The following CCDC170 variants were observed in gnomAD, a reference collection of about 807,000 sequenced individuals.
CCDC170 encodes the protein coiled-coil domain containing 170.
A neutral mutation model predicts 72.6 loss-of-function variants in CCDC170; 69 were observed. The observed-to-expected ratio is 0.95, with a 90% CI of 0.78 to 1.16. CCDC170 has a LOEUF of 1.16. Ranked by LOEUF, CCDC170 falls within the 50% of genes most tolerant of loss-of-function variation. The pLI, the probability that CCDC170 is intolerant of heterozygous loss-of-function variation, is 0.00. For synonymous variants in CCDC170, 300 were observed against 303.9 expected (o/e 0.99, Z 0.13); for missense variants, 852 against 832.5 (o/e 1.02, Z -0.29).
intron 9 of CCDC170, among the ~76,000 whole-genome samples, chr6:151,608,534 G>A (rs77334499): frequency 0.073 from 11,038 of 152,202 alleles, 554 homozygotes; most frequent in East Asian, 0.29. Flanking sequence ...GTTCTGGGAG[G>A]GTACCGTTGT....
At chr6:151,596,773 A>G (rs1176796265) in intron 9 of CCDC170, among the ~76,000 whole-genome samples, 196 bp downstream of exon 9, 1 of 152,170 alleles carries the variant, frequency 6.6e-6, no homozygotes, top group Admixed American at 6.5e-5. Context: ...TCAATATCTG[A>G]AGTGAAGCCA....
Position 151,504,089 on chromosome 6 carries a change from T to C in CCDC170, c.57+9904T>C, listed in dbSNP as rs1782032889. 2.6e-5 allele frequency among the ~76,000 whole-genome samples: 4 copies of C among 152,232 alleles called. No individual in the cohort carries two copies. The South Asian group carries it at 8.3e-4, about 32-fold the overall frequency. On this transcript the variant is annotated intron_variant, in intron 1 of 10. Coordinates refer to ENST00000239374, the MANE Select transcript of CCDC170 (RefSeq NM_025059.4). Reference sequence around the variant, plus strand: ...TGTATGAAGAGGAATGTCCTTGTTCTTAGAAAATACAAGCTGAAGTGTTTA... The same window carrying C: ...TGTATGAAGAGGAATGTCCTTGTTCCTAGAAAATACAAGCTGAAGTGTTTA...
chr6:151,514,353 G>GAGGGAGGGAAGGGACGA, intron 1 of CCDC170, among the ~76,000 whole-genome samples: 1 of 101,536 alleles, frequency 9.8e-6, no homozygotes, highest in Non-Finnish European at 1.8e-5. Flanking sequence ...GGGAGGGAGG[G>GAGGGAGGGAAGGGACGA]AGGGAGGGAG....
chr6:151,584,142 T>G (rs1245722539), intron 6 of CCDC170, among the ~76,000 whole-genome samples: 1 of 152,212 alleles, frequency 6.6e-6, no homozygotes, highest in African/African-American at 2.4e-5. Flanking sequence ...AACCTTCAAT[T>G]TGTAAAAAAC....
chr6:151,591,572 A>G (rs145581928), intron 7 of CCDC170, among the ~76,000 whole-genome samples: 2,608 of 151,676 alleles, frequency 0.017, 85 homozygotes, highest in African/African-American at 0.06. Flanking sequence ...TCGGCTTACT[A>G]TAAGCTCCGC....
At chr6:151,579,667 G>T (rs1353133799) in intron 6 of CCDC170, among the ~76,000 whole-genome samples, 1 of 152,132 alleles carries the variant, frequency 6.6e-6, no homozygotes, top group African/African-American at 2.4e-5. Flanking sequence ...GTTCTTCCTA[G>T]AAAGACTTCT....
rs17081329 is a variant in CCDC170 at position 151,502,846 on chromosome 6, C to T, written c.57+8661C>T. ...ATGAGTGCCCATTTTCAAGCAGGTG[C>T]TCTTTTAGATACGGTCCCCCTTTCA... On this transcript the variant is annotated intron_variant, in intron 1 of 10. Coordinates refer to ENST00000239374, the MANE Select transcript of CCDC170 (RefSeq NM_025059.4). Among the ~76,000 whole-genome samples, 272 of 152,260 alleles carry T rather than the reference C, an allele frequency of 1.8e-3. 3 individuals are homozygous for T. The East Asian group carries it at 0.036, about 20-fold the overall frequency.
intron 1 of CCDC170, among the ~76,000 whole-genome samples, chr6:151,521,985 C>CAAAA (rs34730093): frequency 1.3e-5 from 1 of 78,294 alleles, no homozygotes; most frequent in South Asian, 4.5e-4. Context: ...GACTCTGTCT[C>CAAAA]AAAAAAAAAA....
chr6:151,561,861 A>C lies in CCDC170; in HGVS notation c.775-11313A>C, dbSNP rs1430394922. 2.6e-5 allele frequency among the ~76,000 whole-genome samples: 4 copies of C among 152,164 alleles called. No homozygotes were observed. The East Asian group carries it at 7.7e-4, about 29-fold the overall frequency. ...TCTTTCAGGAATGCCAATAAGTTGA[A>C]GATTTGTGAAGATTTGGTCAAAGCC... is the stretch of plus-strand genomic sequence containing the variant. On this transcript the variant is annotated intron_variant, in intron 5 of 10. Transcript: ENST00000239374.
chr6:151,541,664 G>T (rs1326027117), intron 3 of CCDC170, among the ~76,000 whole-genome samples: 4 of 151,510 alleles, frequency 2.6e-5, no homozygotes, highest in Non-Finnish European at 5.9e-5. Context: ...ATACAGAAAA[G>T]TGCCAAGAAG....
At chr6:151,527,050 A>ATTTTTTT (rs56941290) in intron 1 of CCDC170, among the ~76,000 whole-genome samples, 6 of 69,678 alleles carry the variant, frequency 8.6e-5, no homozygotes, top group Admixed American at 2.0e-4. Flanking sequence ...ATGCTTAGCT[A>ATTTTTTT]TTTTTTTTTT....
intron 4 of CCDC170, among the ~76,000 whole-genome samples, chr6:151,546,516 C>T (rs571709732): frequency 6.6e-6 from 1 of 152,188 alleles, no homozygotes; most frequent in African/African-American, 2.4e-5. Flanking sequence ...GGAGAGCCTG[C>T]CCTTCCCAGC....
chr6:151,522,877 C>T (rs1416198470), intron 1 of CCDC170, among the ~76,000 whole-genome samples: 1 of 152,182 alleles, frequency 6.6e-6, no homozygotes, highest in Non-Finnish European at 1.5e-5. Flanking sequence ...TTCGAGAATG[C>T]CCTGCTCTAT....
chr6:151,606,033 C>A (rs1473562711), intron 9 of CCDC170, among the ~76,000 whole-genome samples: 1 of 151,856 alleles, frequency 6.6e-6, no homozygotes, highest in African/African-American at 2.4e-5. Context: ...ACCCAAGTAG[C>A]TGGGATTACA....
chr6:151,591,104 A>G (rs748231043), intron 7 of CCDC170, among the ~76,000 whole-genome samples: 5 of 152,244 alleles, frequency 3.3e-5, no homozygotes, highest in Admixed American at 6.5e-5. Context: ...TGGAAAATAT[A>G]CACTTATAAA....
At position 151,602,464 on chromosome 6, in the gene CCDC170, C is replaced by T. The variant is rs549970150; in HGVS notation, c.1710+5887C>T. Among the ~76,000 whole-genome samples the T allele has an allele frequency of 3.0e-3, 453 of 152,142 alleles. 1 individual carries two copies. Among genetic ancestry groups the T allele is most frequent in the Non-Finnish European group, 4.4e-3 (302 of 68,000 alleles). On this transcript the variant is annotated intron_variant, in intron 9 of 10. Transcript: ENST00000239374. The stretch of plus-strand genomic sequence containing the variant: ...TAATTCAATGTGATAGATTATTTTA[C>T]TAAAATCACCATTGATATGGTTTGG...
intron 1 of CCDC170, among the ~76,000 whole-genome samples, chr6:151,504,501 AT>A (rs1268769276): frequency 6.6e-6 from 1 of 152,200 alleles, no homozygotes; most frequent in Non-Finnish European, 1.5e-5. Context: ...ATAATTGGTA[AT>A]AAATAAAATT....
intron 1 of CCDC170, among the ~76,000 whole-genome samples, chr6:151,518,026 A>G (rs1236569572): frequency 6.6e-6 from 1 of 152,066 alleles, no homozygotes; most frequent in Non-Finnish European, 1.5e-5. Flanking sequence ...TTTTGCAAAC[A>G]GTAAAGATTA....
chr6:151,587,843 A>G (rs961141480), intron 7 of CCDC170, among the ~76,000 whole-genome samples: 30 of 152,208 alleles, frequency 2.0e-4, no homozygotes, highest in African/African-American at 6.8e-4. Flanking sequence ...AAAAGGAGCA[A>G]TGACTTTTTT....
Sources: allele counts gnomAD v4.1 joint callset (sites outside exome capture counted in the v4.1 genomes callset), GRCh38; gene constraint gnomAD v4.1.1; transcripts MANE v1.5; gene names NCBI Gene and HGNC (gene_info 2026-07-23, HGNC 2026-07-21).